The following USP46 variants were observed in gnomAD, a reference collection of about 807,000 sequenced individuals.
USP46 encodes the protein ubiquitin carboxyl-terminal hydrolase 46.
USP46 carries 12 observed loss-of-function variants against 44.4 expected under a neutral mutation model. The observed-to-expected ratio is 0.27, with a 90% CI of 0.17 to 0.44. USP46 has a LOEUF of 0.44. Ranked by LOEUF, USP46 falls within the 20% of genes least tolerant of loss-of-function variation. The probability of loss-of-function intolerance (pLI) is 1.00; values close to 1 mark genes in which losing one functional copy is unlikely to be tolerated. For synonymous variants in USP46, 155 were observed against 161.5 expected (o/e 0.96, Z 0.31); for missense variants, 248 against 444.8 (o/e 0.56, Z 3.98).
At chr4:52,607,699 C>T (rs1716745387) in intron 5 of USP46, among the ~76,000 whole-genome samples, 1 of 152,150 alleles carries the variant, frequency 6.6e-6, no homozygotes, top group African/African-American at 2.4e-5. Context: ...GTGCTGTCCT[C>T]ACCATACATC....
chr4:52,642,327 ACT>A (rs1446325562), intron 1 of USP46, among the ~76,000 whole-genome samples: 2 of 152,250 alleles, frequency 1.3e-5, no homozygotes, highest in Admixed American at 1.3e-4. Flanking sequence ...AGACACTGCT[ACT>A]GGCCTTATTT....
chr4:52,624,776 G>A (rs1717511791), intron 4 of USP46, among the ~76,000 whole-genome samples: 1 of 152,100 alleles, frequency 6.6e-6, no homozygotes, highest in African/African-American at 2.4e-5. Flanking sequence ...GATAAGATTT[G>A]TACCCTTATA....
intron 6 of USP46, among the ~76,000 whole-genome samples, chr4:52,603,481 T>C (rs965367050): frequency 6.6e-6 from 1 of 152,218 alleles, no homozygotes; most frequent in African/African-American, 2.4e-5. Context: ...ATTGAGCATC[T>C]GCCAGCTGCC....
At chr4:52,648,108 G>A (rs903527433) in intron 1 of USP46, among the ~76,000 whole-genome samples, 1 of 152,230 alleles carries the variant, frequency 6.6e-6, no homozygotes. Context: ...CAAGGGTAGA[G>A]AACATCAAGC....
chr4:52,657,660 G>A (rs1386797650), intron 1 of USP46, among the ~76,000 whole-genome samples: 1 of 152,132 alleles, frequency 6.6e-6, no homozygotes, highest in African/African-American at 2.4e-5. Context: ...CCCTCCACAG[G>A]AATAAGAGGA....
chr4:52,607,340 A>AATGTTCT (rs1426845442), intron 5 of USP46, among the ~76,000 whole-genome samples: 1 of 152,202 alleles, frequency 6.6e-6, no homozygotes, highest in Non-Finnish European at 1.5e-5. Flanking sequence ...GCTGTCAGTT[A>AATGTTCT]ATGTTCTATA....
chr4:52,614,370 G>T (rs1346903302), intron 4 of USP46, among the ~76,000 whole-genome samples: 1 of 152,148 alleles, frequency 6.6e-6, no homozygotes, highest in Non-Finnish European at 1.5e-5. Context: ...CAGCCAAGGT[G>T]CCTCACAGCC....
intron 4 of USP46, among the ~76,000 whole-genome samples, chr4:52,623,623 T>C (rs998515303): frequency 3.9e-5 from 6 of 151,978 alleles, no homozygotes; most frequent in Middle Eastern, 3.2e-3. Context: ...ATAGATTAAT[T>C]AAATAAAAAC....
chr4:52,656,030 T>C (rs1383073835), intron 1 of USP46, among the ~76,000 whole-genome samples: 2 of 152,236 alleles, frequency 1.3e-5, no homozygotes, highest in African/African-American at 2.4e-5. Context: ...TCCTTTCTTA[T>C]CTGGTGGAGG....
At chr4:52,637,117 A>T (rs924435506) in intron 1 of USP46, among the ~76,000 whole-genome samples, 5 of 152,118 alleles carry the variant, frequency 3.3e-5, no homozygotes, top group African/African-American at 1.2e-4. Context: ...GCCTCCTAAT[A>T]AAATCTTAAG....
intron 7 of USP46, 45 bp from the exon 8 acceptor site, chr4:52,598,751 C>A: frequency 6.5e-7 from 1 of 1,537,276 alleles, no homozygotes. Context: ...TAACATTTAT[C>A]TCTTTATAAA....
chr4:52,619,604 T>G (rs1045898390), intron 4 of USP46, among the ~76,000 whole-genome samples: 1 of 152,250 alleles, frequency 6.6e-6, no homozygotes, highest in Non-Finnish European at 1.5e-5. Flanking sequence ...TTTGGTCTTC[T>G]TGCACACTAA....
intron 5 of USP46, among the ~76,000 whole-genome samples, chr4:52,607,928 T>C (rs1716757950): frequency 6.6e-6 from 1 of 152,210 alleles, no homozygotes; most frequent in South Asian, 2.1e-4. Flanking sequence ...TCTTTATAAA[T>C]TACCCAATCT....
intron 1 of USP46, among the ~76,000 whole-genome samples, chr4:52,632,990 A>AAAGAAAGAAAGAAAGAAAAGAAAAGAAAG: frequency 7.4e-4 from 49 of 66,170 alleles, no homozygotes; most frequent in South Asian, 2.4e-3. Flanking sequence ...GAAAGAAAAG[A>AAAGAAAGAAAGAAAGAAAAGAAAAGAAAG]AAAGAAAGAA....
At chr4:52,613,549 C>G (rs2109611699) in intron 4 of USP46, among the ~76,000 whole-genome samples, 1 of 152,010 alleles carries the variant, frequency 6.6e-6, no homozygotes, top group Admixed American at 6.5e-5. Context: ...TGATAAAGCC[C>G]CGTCTCTACT....
intron 1 of USP46, among the ~76,000 whole-genome samples, chr4:52,638,252 G>A (rs1394134989): frequency 6.6e-6 from 1 of 152,138 alleles, no homozygotes; most frequent in African/African-American, 2.4e-5. Context: ...AGATGTAGAG[G>A]TCAGACGGAG....
chr4:52,605,005 A>C (rs371180648), intron 5 of USP46, among the ~76,000 whole-genome samples: 2 of 152,390 alleles, frequency 1.3e-5, no homozygotes, highest in Admixed American at 6.5e-5. Flanking sequence ...TAAAACTTAG[A>C]TCCAGAAAGT....
chr4:52,619,571 C>G (rs574257460), intron 4 of USP46, among the ~76,000 whole-genome samples: 4 of 152,200 alleles, frequency 2.6e-5, no homozygotes, highest in Non-Finnish European at 5.9e-5. Context: ...TGTTTTTCAT[C>G]CAGGTGAAGG....
intron 4 of USP46, among the ~76,000 whole-genome samples, chr4:52,623,617 ATTAAT>A (rs1403656327): frequency 6.6e-6 from 1 of 152,168 alleles, no homozygotes; most frequent in Non-Finnish European, 1.5e-5. Context: ...TATAAAATAG[ATTAAT>A]TAAATAAAAA....
Sources: gnomAD v4.1 joint callset for allele counts (sites outside exome capture counted in the v4.1 genomes callset) on GRCh38, gnomAD v4.1.1 for gene constraint, MANE v1.5 for transcripts, NCBI Gene and HGNC (gene_info 2026-07-23, HGNC 2026-07-21) for gene names.